The following MPP7 variants were observed in gnomAD, a reference collection of about 807,000 sequenced individuals.
MPP7 encodes MAGUK p55 scaffold protein 7.
In MPP7, 60 loss-of-function variants were observed where a neutral mutation model predicts 76.5. The observed-to-expected ratio is 0.78, with a 90% CI of 0.64 to 0.97. MPP7 has a LOEUF of 0.97. MPP7 is among the 50% of genes least tolerant of loss of function. MPP7 has a pLI of 0.00. For synonymous variants in MPP7, 237 were observed against 244.5 expected (o/e 0.97, Z 0.29); for missense variants, 641 against 694.0 (o/e 0.92, Z 0.86).
chr10:28,221,580 G>A (rs1439594835), intron 2 of MPP7, among the ~76,000 whole-genome samples: 2 of 152,040 alleles, frequency 1.3e-5, no homozygotes, highest in South Asian at 2.1e-4. Flanking sequence ...GTAATGAGGC[G>A]AATCCCAATA....
chr10:28,129,666 T>C (rs780724616), intron 6 of MPP7, among the ~76,000 whole-genome samples: 8 of 152,152 alleles, frequency 5.3e-5, no homozygotes, highest in Admixed American at 1.3e-4. Flanking sequence ...GGTGGCACAG[T>C]GAATTTCAGA....
At chr10:28,172,566 T>A (rs1022489094) in intron 3 of MPP7, among the ~76,000 whole-genome samples, 1 of 151,928 alleles carries the variant, frequency 6.6e-6, no homozygotes, top group African/African-American at 2.4e-5. Context: ...CAGCAGAAAG[T>A]TGATTTTCCA....
At chr10:28,132,975 C>T (rs1480600305) in intron 5 of MPP7, among the ~76,000 whole-genome samples, 1 of 151,346 alleles carries the variant, frequency 6.6e-6, no homozygotes, top group African/African-American at 2.4e-5. Flanking sequence ...TGGTAAACTA[C>T]AACATCTGTT....
intron 3 of MPP7, among the ~76,000 whole-genome samples, chr10:28,188,111 C>T (rs945168605): frequency 1.6e-4 from 24 of 152,080 alleles, no homozygotes; most frequent in African/African-American, 5.6e-4. Flanking sequence ...AGAATTCAAC[C>T]TAAATTCATG....
intron 1 of MPP7, among the ~76,000 whole-genome samples, chr10:28,333,732 G>A (rs903928883): frequency 6.6e-6 from 1 of 152,214 alleles, no homozygotes; most frequent in African/African-American, 2.4e-5. Context: ...GATACATGTA[G>A]CCACATTTCC....
chr10:28,158,518 C>T (rs116947946), intron 3 of MPP7, among the ~76,000 whole-genome samples: 312 of 152,194 alleles, frequency 2.1e-3, no homozygotes, highest in Non-Finnish European at 3.9e-3. Context: ...ACAGAGAAGA[C>T]GACAGAGGAC....
intron 1 of MPP7, among the ~76,000 whole-genome samples, chr10:28,270,520 T>TAAA (rs1208377769): frequency 3.3e-5 from 2 of 59,824 alleles, no homozygotes; most frequent in Non-Finnish European, 5.7e-5. Flanking sequence ...ACTATCTCTT[T>TAAA]AAAAAAAAAA....
intron 12 of MPP7, among the ~76,000 whole-genome samples, chr10:28,086,515 G>C (rs1853017126): frequency 6.6e-6 from 1 of 152,168 alleles, no homozygotes; most frequent in Non-Finnish European, 1.5e-5. Context: ...AGGACAATTA[G>C]CATTCAGACA....
chr10:28,311,324 A>G (rs957072897), intron 2 of MPP7, among the ~76,000 whole-genome samples: 2 of 152,320 alleles, frequency 1.3e-5, no homozygotes, highest in South Asian at 4.1e-4. Flanking sequence ...GGTGTGAATG[A>G]CAGCATGATG....
At chr10:28,099,805 C>G (rs1456526990) in intron 11 of MPP7, among the ~76,000 whole-genome samples, 7 of 150,296 alleles carry the variant, frequency 4.7e-5, no homozygotes, top group Non-Finnish European at 7.4e-5. Flanking sequence ...GAAACTCCAT[C>G]TCCCAAAAAA....
intron 12 of MPP7, among the ~76,000 whole-genome samples, chr10:28,078,981 G>A (rs1336544477): frequency 6.6e-6 from 1 of 152,098 alleles, no homozygotes; most frequent in East Asian, 1.9e-4. Flanking sequence ...TCTTAAAAAG[G>A]TTAAAAATCT....
At chr10:28,222,751 C>T (rs2134071795) in intron 2 of MPP7, among the ~76,000 whole-genome samples, 1 of 149,682 alleles carries the variant, frequency 6.7e-6, no homozygotes, top group Non-Finnish European at 1.5e-5. Flanking sequence ...ACTTGGGAGG[C>T]TGAGGCAGGA....
At position 28,051,471 on chromosome 10, in the gene MPP7, T is replaced by A. The variant is rs1199732500; in HGVS notation, c.*2594A>T. 6.6e-6 allele frequency: 1 copy of A among 152,160 alleles called. No homozygotes were observed. Among genetic ancestry groups the A allele is most frequent in the Non-Finnish European group, 1.5e-5 (1 of 68,012 alleles). The allele number at this position is 152,160 out of a possible 1,614,324, so 9.4% of individuals were successfully genotyped here. ...TTTATGTTTGATTGACTACAGTCAA[T>A]AATAGGAGTACAGAATTTACTTTTT... On this transcript the variant is annotated 3_prime_UTR_variant, in exon 17 of 17. Transcript: ENST00000683449.
intron 14 of MPP7, 164 bp downstream of exon 14, chr10:28,059,486 A>T: frequency 5.7e-6 from 3 of 530,442 alleles, no homozygotes; most frequent in Non-Finnish European, 9.9e-6. Context: ...AGAGGTGAAG[A>T]TTAACAATAA....
chr10:28,300,919 G>A (rs1198563143), intron 1 of MPP7, among the ~76,000 whole-genome samples: 1 of 148,504 alleles, frequency 6.7e-6, no homozygotes, highest in Non-Finnish European at 1.5e-5. Context: ...CAGCACTCCA[G>A]CCTGGACAAC....
At chr10:28,216,872 T>C (rs1389851055) in intron 2 of MPP7, among the ~76,000 whole-genome samples, 2 of 152,182 alleles carry the variant, frequency 1.3e-5, no homozygotes, top group Non-Finnish European at 2.9e-5. Context: ...CCTCATTTTT[T>C]TTTTTGGCAG....
chr10:28,095,519 G>A (rs553089434), intron 11 of MPP7, among the ~76,000 whole-genome samples: 56 of 152,210 alleles, frequency 3.7e-4, no homozygotes, highest in African/African-American at 1.3e-3. Flanking sequence ...AATAATGAGC[G>A]ATGTGTCAGT....
intron 11 of MPP7, among the ~76,000 whole-genome samples, chr10:28,096,808 G>C (rs11006860): frequency 0.053 from 7,986 of 152,094 alleles, 258 homozygotes; most frequent in Middle Eastern, 0.11. Flanking sequence ...AATCAGGCCT[G>C]GGAAGTGTGG....
intron 1 of MPP7, among the ~76,000 whole-genome samples, chr10:28,271,702 G>A (rs1206399909): frequency 6.6e-6 from 1 of 152,170 alleles, no homozygotes; most frequent in Non-Finnish European, 1.5e-5. Context: ...GAGGCCTGGG[G>A]CAGTGGCTCA....
Sources: allele counts gnomAD v4.1 joint callset (sites outside exome capture counted in the v4.1 genomes callset), GRCh38; gene constraint gnomAD v4.1.1; transcripts MANE v1.5; gene names NCBI Gene and HGNC (gene_info 2026-07-23, HGNC 2026-07-21).